The following DCUN1D4 variants were observed in gnomAD, a reference collection of about 807,000 sequenced individuals.
DCUN1D4 encodes DCN1-like protein 4.
A neutral mutation model predicts 47.9 loss-of-function variants in DCUN1D4; 22 were observed. The observed-to-expected ratio is 0.46, with a 90% CI of 0.33 to 0.66. DCUN1D4 has a LOEUF of 0.66. Among genes scored for constraint, DCUN1D4 ranks in the 30% least tolerant of loss-of-function variants. The probability of loss-of-function intolerance (pLI) is 0.02; values close to 1 mark genes in which losing one functional copy is unlikely to be tolerated. For synonymous variants in DCUN1D4, 121 were observed against 112.2 expected (o/e 1.08, Z -0.50); for missense variants, 301 against 340.8 (o/e 0.88, Z 0.92).
chr4:51,873,494 T>C (rs886409291), intron 3 of DCUN1D4, among the ~76,000 whole-genome samples: 1 of 152,198 alleles, frequency 6.6e-6, no homozygotes, highest in African/African-American at 2.4e-5. Context: ...CTAACCTCCC[T>C]CCGCCTCCGT....
At chr4:51,847,639 A>G (rs1333573911) in intron 1 of DCUN1D4, among the ~76,000 whole-genome samples, 2 of 143,206 alleles carry the variant, frequency 1.4e-5, no homozygotes, top group Non-Finnish European at 3.0e-5. Context: ...TTTTTTTTTT[A>G]GAGGTTGGGT....
intron 1 of DCUN1D4, among the ~76,000 whole-genome samples, chr4:51,852,651 T>TA (rs1723542532): frequency 2.0e-5 from 3 of 152,208 alleles, no homozygotes; most frequent in Admixed American, 1.3e-4. Context: ...ACGTTCTAAA[T>TA]AATAATAGGG....
Position 51,913,662 on chromosome 4 carries a change from A to C in DCUN1D4, c.*78A>C. The C allele has an allele frequency of 7.6e-7, 1 of 1,307,318 alleles. No homozygotes were observed. Among genetic ancestry groups the C allele is most frequent in the South Asian group, 1.2e-5 (1 of 81,536 alleles). The allele number at this position is 1,307,318 out of a possible 1,614,324, so 81.0% of individuals were successfully genotyped here. A position where few individuals can be genotyped will look rare whatever the true frequency, so the allele number is the denominator to read the frequency against. On this transcript the variant is annotated 3_prime_UTR_variant, in exon 11 of 11. Transcript: ENST00000334635. ...TTAGCCATAAATTGCTGTTTGTATC[A>C]AAGCGCATGCTGCTTCTCTTGCACT...
rs1306199446 is a variant in DCUN1D4 at position 51,860,966 on chromosome 4, T to A, written c.26-2471T>A. Among the ~76,000 whole-genome samples, 4 of 152,168 alleles carry A rather than the reference T, an allele frequency of 2.6e-5. No individual in the cohort carries two copies. In the East Asian group the frequency reaches 7.7e-4, roughly 29 times the overall value. On this transcript the variant is annotated intron_variant, in intron 1 of 10. Coordinates refer to ENST00000334635, the MANE Select transcript of DCUN1D4 (RefSeq NM_001040402.3). ...GAACCTAGGAAAAGTTAGAGACTATTTTAGACAGCTGTGTGGTATGGAGAA... is the reference window on the plus strand; with the variant it reads ...GAACCTAGGAAAAGTTAGAGACTATATTAGACAGCTGTGTGGTATGGAGAA...
chr4:51,913,860 A>G lies in DCUN1D4; in HGVS notation c.*276A>G, dbSNP rs774813029. The G allele has an allele frequency of 2.9e-6, 1 of 346,468 alleles. No individual in the cohort carries two copies. The highest frequency in any genetic ancestry group is 1.2e-4 in the South Asian group (1 of 8,508). The allele number at this position is 346,468 out of a possible 1,614,324, so 21.5% of individuals were successfully genotyped here. On this transcript the variant is annotated 3_prime_UTR_variant, in exon 11 of 11. Coordinates refer to ENST00000334635, the MANE Select transcript of DCUN1D4 (RefSeq NM_001040402.3). ...GTGTATATTGCTGTTTAAATTTTGT[A>G]TATGTGTATAAAAGGAAAAAGGTTC...
chr4:51,886,347 G>A (rs1357598543), intron 5 of DCUN1D4, among the ~76,000 whole-genome samples: 2 of 152,196 alleles, frequency 1.3e-5, no homozygotes, highest in Non-Finnish European at 2.9e-5. Context: ...ATATTCCAAC[G>A]ATTGAAGGAC....
At chr4:51,895,142 A>C (rs770573447) in intron 7 of DCUN1D4, among the ~76,000 whole-genome samples, 1 of 152,026 alleles carries the variant, frequency 6.6e-6, no homozygotes, top group Non-Finnish European at 1.5e-5. Context: ...ATTTCAACCT[A>C]CAAATTTCAG....
At chr4:51,905,300 G>A (rs1337616161) in intron 8 of DCUN1D4, 16 of 436,620 alleles carry the variant, frequency 3.7e-5, no homozygotes, top group South Asian at 1.8e-4. Flanking sequence ...AGCAGGGCCC[G>A]CATCTGCCCT....
upstream of DCUN1D4, among the ~76,000 whole-genome samples, chr4:51,838,091 G>T: frequency 6.6e-6 from 1 of 152,152 alleles, no homozygotes; most frequent in Non-Finnish European, 1.5e-5. Flanking sequence ...AGAATCACTT[G>T]AACTCAGGAG....
At chr4:51,846,308 CTG>C (rs1304445447) in intron 1 of DCUN1D4, among the ~76,000 whole-genome samples, 1 of 152,112 alleles carries the variant, frequency 6.6e-6, no homozygotes, top group African/African-American at 2.4e-5. Flanking sequence ...GAATTTTTGA[CTG>C]TTTTATATTA....
In DCUN1D4 at chr4:51,913,843, T is replaced by C. The variant is rs1734047743; in HGVS notation, c.*259T>C. The C allele has an allele frequency of 2.6e-6, 1 of 387,530 alleles. No homozygotes were observed. The highest frequency in any genetic ancestry group is 2.1e-5 in the African/African-American group (1 of 48,444). The allele number at this position is 387,530 out of a possible 1,614,324, so 24.0% of individuals were successfully genotyped here. ...GTCCTCACTGTGATTATGTGTATAT[T>C]GCTGTTTAAATTTTGTATATGTGTA... On this transcript the variant is annotated 3_prime_UTR_variant, in exon 11 of 11. Transcript: ENST00000334635.
At chr4:51,891,886 C>T in intron 7 of DCUN1D4, 35 bp downstream of exon 7, 2 of 1,522,108 alleles carry the variant, frequency 1.3e-6, no homozygotes, top group Non-Finnish European at 1.8e-6. Context: ...GGGTCCCTGC[C>T]CTTCCCAGGT....
intron 1 of DCUN1D4, among the ~76,000 whole-genome samples, chr4:51,852,500 T>C (rs1723520105): frequency 6.6e-6 from 1 of 152,216 alleles, no homozygotes; most frequent in Non-Finnish European, 1.5e-5. Flanking sequence ...CACTTCTTAA[T>C]TATTAATTAA....
chr4:51,886,515 A>G, intron 5 of DCUN1D4, 53 bp from the exon 6 acceptor site: 19 of 1,497,488 alleles, frequency 1.3e-5, no homozygotes, highest in Admixed American at 1.7e-5. Context: ...CTACAGTGGT[A>G]ATAGTATGGT....
intron 8 of DCUN1D4, among the ~76,000 whole-genome samples, chr4:51,903,252 T>G (rs1340707508): frequency 6.6e-6 from 1 of 152,102 alleles, no homozygotes; most frequent in Non-Finnish European, 1.5e-5. Flanking sequence ...AAGCTTTTAT[T>G]TTGCCTTCAA....
intron 1 of DCUN1D4, among the ~76,000 whole-genome samples, chr4:51,856,886 G>A (rs1724225738): frequency 6.6e-6 from 1 of 152,220 alleles, no homozygotes; most frequent in South Asian, 2.1e-4. Flanking sequence ...TTTGGAAGCT[G>A]TCTCAGAAGA....
At position 51,869,123 on chromosome 4, in the gene DCUN1D4, CAAAAAAAAAAAA is replaced by C. The variant is rs531280197; in HGVS notation, c.137-5137_137-5126del. 4.9e-3 allele frequency among the ~76,000 whole-genome samples: 188 copies of C among 38,580 alleles called. 3 individuals carry two copies. The highest frequency in any genetic ancestry group is 0.016 in the African/African-American group (180 of 10,976). The allele number at this position is 38,580 out of a possible 152,430, so 25.3% of individuals were successfully genotyped here. On this transcript the variant is annotated intron_variant, in intron 3 of 10. Coordinates refer to ENST00000334635, the MANE Select transcript of DCUN1D4 (RefSeq NM_001040402.3). ...TAGGCTACAGAGGGAGACTCCATCT[CAAAAAAAAAAAA>C]AAAAAAAAAAGTCAATCAGAGAGGA...
intron 4 of DCUN1D4, among the ~76,000 whole-genome samples, chr4:51,875,638 C>T (rs570386662): frequency 2.6e-5 from 4 of 152,262 alleles, no homozygotes; most frequent in African/African-American, 9.6e-5. Context: ...AATAAGATCC[C>T]TAATGCCCAT....
chr4:51,904,901 A>G (rs915441363), intron 8 of DCUN1D4, among the ~76,000 whole-genome samples: 12 of 152,206 alleles, frequency 7.9e-5, no homozygotes, highest in Non-Finnish European at 1.8e-4. Flanking sequence ...ATGAAAATTG[A>G]GCTTTATGAT....
Sources: gnomAD v4.1 joint callset for allele counts (sites outside exome capture counted in the v4.1 genomes callset) on GRCh38, gnomAD v4.1.1 for gene constraint, MANE v1.5 for transcripts, NCBI Gene and HGNC (gene_info 2026-07-23, HGNC 2026-07-21) for gene names.